Variants in ATRNL1 observed in about 807,000 individuals in gnomAD.
ATRNL1 encodes the protein attractin like 1, also known as attractin-like protein 1.
A neutral mutation model predicts 182.7 loss-of-function variants in ATRNL1; 95 were observed. The observed-to-expected ratio is 0.52, with a 90% confidence interval of 0.44 to 0.62. The LOEUF (loss-of-function observed/expected upper bound fraction) is 0.62. Ranked by LOEUF, ATRNL1 falls within the 20% of genes least tolerant of loss-of-function variation. ATRNL1 has a pLI of 0.00. For missense variants in ATRNL1, 1,471 were observed against 1,679.5 expected, an observed-to-expected ratio of 0.88 and a Z score of 2.17; for synonymous variants, 576 against 568.3, an observed-to-expected ratio of 1.01 and a Z score of -0.19.
chr10:115,475,639 T>G (rs546240386), intron 24 of ATRNL1, among the ~76,000 whole-genome samples: 1 of 151,614 alleles, frequency 6.6e-6, no homozygotes, highest in South Asian at 2.1e-4. Context: ...CTAGTGGTAC[T>G]TAATTATAGG....
Position 115,836,518 on chromosome 10 carries a change from C to T in ATRNL1, c.3904-11359C>T, listed in dbSNP as rs116645056. Among the ~76,000 whole-genome samples the T allele has an allele frequency of 2.8e-3, 429 of 152,224 alleles. 1 individual carries two copies. Among genetic ancestry groups the T allele is most frequent in the African/African-American group, 0.01 (416 of 41,562 alleles). ...CTGAGACCCTGAGGGAGAGTTTTTC[C>T]GTGCACCTCCCCTCGCTTCTGGCGT... is the stretch of plus-strand genomic sequence containing the variant. On this transcript the variant is annotated intron_variant, in intron 27 of 28. Transcript: ENST00000355044.
chr10:115,393,812 C>A (rs1373878975), intron 19 of ATRNL1, among the ~76,000 whole-genome samples: 1 of 151,984 alleles, frequency 6.6e-6, no homozygotes, highest in Non-Finnish European at 1.5e-5. Flanking sequence ...GGATGTTGGA[C>A]ATAATTAAGT....
chr10:115,785,269 T>C (rs1949367581), intron 27 of ATRNL1, among the ~76,000 whole-genome samples: 1 of 152,144 alleles, frequency 6.6e-6, no homozygotes, highest in African/African-American at 2.4e-5. Flanking sequence ...TCCAAGCAAA[T>C]CTGAAATCAA....
intron 27 of ATRNL1, among the ~76,000 whole-genome samples, chr10:115,744,898 G>T (rs1481111464): frequency 6.6e-6 from 1 of 152,022 alleles, no homozygotes; most frequent in African/African-American, 2.4e-5. Context: ...TATCTTAATT[G>T]TAAAATTTTG....
At chr10:115,113,094 G>T (rs1405857434) in intron 1 of ATRNL1, among the ~76,000 whole-genome samples, 3 of 152,164 alleles carry the variant, frequency 2.0e-5, no homozygotes, top group African/African-American at 7.2e-5. Context: ...GAGGTAGAAG[G>T]GGTTCAATCA....
chr10:115,155,130 C>T (rs752676178), intron 5 of ATRNL1, among the ~76,000 whole-genome samples: 41 of 151,822 alleles, frequency 2.7e-4, no homozygotes, highest in Non-Finnish European at 5.0e-4. Flanking sequence ...TTGCTCTTTT[C>T]TAGTTTCTGT....
At chr10:115,447,575 A>C (rs1012810416) in intron 21 of ATRNL1, among the ~76,000 whole-genome samples, 2 of 151,896 alleles carry the variant, frequency 1.3e-5, no homozygotes, top group African/African-American at 4.8e-5. Flanking sequence ...TTTATGTGCA[A>C]CATATTTGAG....
At chr10:115,503,032 C>G (rs1036107319) in intron 24 of ATRNL1, among the ~76,000 whole-genome samples, 22 of 152,010 alleles carry the variant, frequency 1.4e-4, no homozygotes, top group African/African-American at 5.3e-4. Flanking sequence ...TTTTACCGGG[C>G]CTGAAGATAA....
At position 115,328,287 on chromosome 10, in the gene ATRNL1, G is replaced by T. The variant is rs782098904; in HGVS notation, c.3038-5995G>T. On this transcript the variant is annotated intron_variant, in intron 18 of 28. Transcript: ENST00000355044. ...TATTTATACATTTCATCACAAAATTGTCACTATGTTAAATTGAAACAAAAT... is the reference window on the plus strand; with the variant it reads ...TATTTATACATTTCATCACAAAATTTTCACTATGTTAAATTGAAACAAAAT... Among the ~76,000 whole-genome samples the T allele has an allele frequency of 5.9e-5, 9 of 152,074 alleles. No individual in the cohort carries two copies. The East Asian group carries it at 9.7e-4, about 16-fold the overall frequency.
chr10:115,139,322 T>G (rs1458371683), intron 5 of ATRNL1, among the ~76,000 whole-genome samples: 6 of 152,196 alleles, frequency 3.9e-5, no homozygotes, highest in African/African-American at 1.4e-4. Flanking sequence ...CGCTCCACTC[T>G]ACTGGTACCA....
chr10:115,714,437 G>T (rs966486104), intron 26 of ATRNL1, among the ~76,000 whole-genome samples: 1 of 152,114 alleles, frequency 6.6e-6, no homozygotes, highest in South Asian at 2.1e-4. Flanking sequence ...CGTTCCTCCC[G>T]CTGCAAACAG....
At chr10:115,298,691 AT>A (rs1312196072) in intron 15 of ATRNL1, among the ~76,000 whole-genome samples, 2 of 152,128 alleles carry the variant, frequency 1.3e-5, no homozygotes, top group Non-Finnish European at 2.9e-5. Flanking sequence ...GTGTGTTTTT[AT>A]AATTAGAAGC....
At chr10:115,430,059 A>G (rs1846084162) in intron 21 of ATRNL1, among the ~76,000 whole-genome samples, 1 of 152,198 alleles carries the variant, frequency 6.6e-6, no homozygotes, top group Non-Finnish European at 1.5e-5. Flanking sequence ...TGGCAGAGTG[A>G]GACTCTGTCT....
At chr10:115,499,486 C>T (rs1565106380) in intron 24 of ATRNL1, among the ~76,000 whole-genome samples, 4 of 152,132 alleles carry the variant, frequency 2.6e-5, no homozygotes, top group South Asian at 2.1e-4. Flanking sequence ...AGGACATGCA[C>T]CTGTGACACA....
At chr10:115,845,992 T>C (rs1950918916) in intron 27 of ATRNL1, among the ~76,000 whole-genome samples, 1 of 152,086 alleles carries the variant, frequency 6.6e-6, no homozygotes, top group Non-Finnish European at 1.5e-5. Context: ...TCTTTTAGCT[T>C]TGGAATAAGA....
At chr10:115,395,506 A>T (rs193194556) in intron 20 of ATRNL1, among the ~76,000 whole-genome samples, 1 of 151,902 alleles carries the variant, frequency 6.6e-6, no homozygotes, top group Non-Finnish European at 1.5e-5. Context: ...TCAAATCTAC[A>T]TTATCTTTAC....
In ATRNL1 at chr10:115,390,114, T is replaced by A. The variant is rs1592581690; in HGVS notation, c.3176-4545T>A. Among the ~76,000 whole-genome samples the A allele has an allele frequency of 2.0e-5, 3 of 152,186 alleles. No individual in the cohort carries two copies. In the South Asian group the frequency reaches 6.2e-4, roughly 31 times the overall value. On this transcript the variant is annotated intron_variant, in intron 19 of 28. Transcript: ENST00000355044. ...GAATATTAGCCTCTTACCAGATGTA[T>A]GGGTTGTGAATATTTTCTCCCGGTA...
At chr10:115,385,462 A>G (rs1268438287) in intron 19 of ATRNL1, among the ~76,000 whole-genome samples, 1 of 152,130 alleles carries the variant, frequency 6.6e-6, no homozygotes, top group Admixed American at 6.5e-5. Flanking sequence ...TTCACATAGA[A>G]GATCTCCCTC....
chr10:115,470,526 T>G (rs1234334448), intron 24 of ATRNL1, among the ~76,000 whole-genome samples: 6 of 150,684 alleles, frequency 4.0e-5, no homozygotes, highest in African/African-American at 1.5e-4. Context: ...GGAAAAGGGT[T>G]CATCTATAGC....
Sources: allele counts gnomAD v4.1 joint callset (sites outside exome capture counted in the v4.1 genomes callset), GRCh38; gene constraint gnomAD v4.1.1; transcripts MANE v1.5; gene names NCBI Gene and HGNC (gene_info 2026-07-23, HGNC 2026-07-21).